The following FER1L6 variants were observed in gnomAD, a reference collection of about 807,000 sequenced individuals.
FER1L6 encodes the protein fer-1-like protein 6.
FER1L6 carries 177 observed loss-of-function variants against 219.2 expected under a neutral mutation model. That is an observed-to-expected ratio of 0.81 (90% CI 0.71 to 0.91). FER1L6 has a LOEUF of 0.91. FER1L6 is among the 40% of genes least tolerant of loss of function. The pLI, the probability that FER1L6 is intolerant of heterozygous loss-of-function variation, is 0.00. For missense variants in FER1L6, 2,153 were observed against 2,259.9 expected (o/e 0.95, Z 0.96); for synonymous variants, 768 against 824.3 (o/e 0.93, Z 1.17).
intron 18 of FER1L6, among the ~76,000 whole-genome samples, chr8:124,031,300 A>G (rs1818955703): frequency 6.6e-6 from 1 of 152,216 alleles, no homozygotes; most frequent in African/African-American, 2.4e-5. Flanking sequence ...TTTAGAAGGA[A>G]GATCCCAAAA....
intron 15 of FER1L6, among the ~76,000 whole-genome samples, chr8:124,015,570 G>GCT (rs1818149670): frequency 7.2e-5 from 2 of 27,816 alleles, no homozygotes; most frequent in Non-Finnish European, 1.5e-4. Context: ...CATTATAAAA[G>GCT]CTATATATAT....
In FER1L6 at chr8:123,976,200, T is replaced by G. The variant is rs1816065201; in HGVS notation, c.870+116T>G. Reference sequence around the variant, plus strand: ...TAGGAAGTGCCTTGAAAGCAAAAGCTTGTTACAAAAAGGCAATGGGGCCAG... The same window carrying G: ...TAGGAAGTGCCTTGAAAGCAAAAGCGTGTTACAAAAAGGCAATGGGGCCAG... On this transcript the variant is annotated intron_variant, in intron 9 of 40. Transcript: ENST00000522917. 4.3e-6 allele frequency: 4 copies of G among 935,810 alleles called. No individual in the cohort carries two copies. In the Admixed American group the frequency reaches 1.2e-4, roughly 27 times the overall value. 58.0% of individuals were successfully genotyped at this position (935,810 alleles called of 1,614,324 possible).
intron 20 of FER1L6, among the ~76,000 whole-genome samples, chr8:124,044,710 T>A (rs1819647300): frequency 6.6e-6 from 1 of 152,206 alleles, no homozygotes; most frequent in Non-Finnish European, 1.5e-5. Context: ...CCAGGACTAG[T>A]CTCCTGCATT....
chr8:123,921,651 G>A (rs895830238), intron 1 of FER1L6, among the ~76,000 whole-genome samples: 2 of 151,734 alleles, frequency 1.3e-5, no homozygotes, highest in African/African-American at 4.8e-5. Flanking sequence ...TGTGTGCCGG[G>A]ACAGCGGGGT....
At chr8:124,096,303 T>C (rs1037644529) in intron 35 of FER1L6, among the ~76,000 whole-genome samples, 5 of 152,216 alleles carry the variant, frequency 3.3e-5, no homozygotes, top group African/African-American at 9.6e-5. Context: ...CTCTATTCAA[T>C]TGATTTTCTT....
intron 1 of FER1L6, among the ~76,000 whole-genome samples, chr8:123,949,099 G>C (rs763547203): frequency 6.6e-6 from 1 of 152,188 alleles, no homozygotes. Flanking sequence ...TCTCAGGAAA[G>C]CTTCAAAAGG....
At chr8:124,062,811 A>C (rs901988375) in intron 25 of FER1L6, among the ~76,000 whole-genome samples, 1 of 152,154 alleles carries the variant, frequency 6.6e-6, no homozygotes, top group Non-Finnish European at 1.5e-5. Flanking sequence ...GTCCCAGTAA[A>C]TACGCACATG....
Position 124,035,311 on chromosome 8 carries a change from AAGC to A in FER1L6, c.2323_2325del (p.Ala775del). 1.2e-6 allele frequency: 2 copies of A among 1,614,112 alleles called. No individual in the cohort carries two copies. Among genetic ancestry groups the A allele is most frequent in the Non-Finnish European group, 1.7e-6 (2 of 1,179,970 alleles). The stretch of plus-strand genomic sequence containing the variant: ...AAACGACCGGCTGGTTGGTCTGTGC[AAGC>A]AAAAGTCGACGTGTACCTGTGGCTG... On this transcript the variant is annotated inframe_deletion, in exon 19 of 41. Transcript: ENST00000522917.
rs1292470340 is a variant in FER1L6 at position 123,950,400 on chromosome 8, C to T, written c.-7-5592C>T. Among the ~76,000 whole-genome samples the T allele has an allele frequency of 6.6e-5, 10 of 152,276 alleles. No homozygotes were observed. The East Asian group carries it at 1.9e-3, about 29-fold the overall frequency. On this transcript the variant is annotated intron_variant, in intron 1 of 40. Transcript: ENST00000522917. ...CAGGAAGCATGCAAGAATAATGCCT[C>T]CATTTTCCTGGGGCAGTCCTACAGC...
At chr8:124,039,818 C>T in intron 19 of FER1L6, 64 bp from the exon 20 acceptor site, 1 of 1,604,222 alleles carries the variant, frequency 6.2e-7, no homozygotes, top group Non-Finnish European at 8.5e-7. Flanking sequence ...CACAGACACA[C>T]ATGTGCACAC....
intron 26 of FER1L6, among the ~76,000 whole-genome samples, chr8:124,065,643 A>G (rs1186676844): frequency 1.3e-5 from 2 of 152,136 alleles, no homozygotes; most frequent in Non-Finnish European, 2.9e-5. Context: ...TTCAGTGTTC[A>G]TCTCAGATTA....
At chr8:124,096,159 T>C (rs1228694145) in intron 35 of FER1L6, among the ~76,000 whole-genome samples, 2 of 152,226 alleles carry the variant, frequency 1.3e-5, no homozygotes, top group East Asian at 3.8e-4. Flanking sequence ...AAGCTTATGA[T>C]TGTTTCCTGA....
At chr8:123,947,613 C>T (rs1034925431) in intron 1 of FER1L6, among the ~76,000 whole-genome samples, 2 of 152,136 alleles carry the variant, frequency 1.3e-5, no homozygotes, top group African/African-American at 4.8e-5. Context: ...TTCATTGAGC[C>T]CTGCTGTGTG....
At chr8:123,991,513 T>G (rs147999407) in intron 12 of FER1L6, among the ~76,000 whole-genome samples, 1,922 of 152,282 alleles carry the variant, frequency 0.013, 17 homozygotes, top group Non-Finnish European at 0.02. Flanking sequence ...ACTTGGAAGT[T>G]GTTGGTATAT....
In FER1L6 at chr8:123,902,702, C is replaced by T. The variant is rs372503733; in HGVS notation, c.-8+50517C>T. On this transcript the variant is annotated intron_variant, in intron 1 of 40. Transcript: ENST00000522917. ...CTTATGTGTTAGGTGAGCCTCCTGA[C>T]GGCAGCAAATGGTTGGTGAGTTCTT... 2.1e-3 allele frequency among the ~76,000 whole-genome samples: 314 copies of T among 152,262 alleles called. 1 individual carries two copies. Among genetic ancestry groups the T allele is most frequent in the African/African-American group, 6.0e-3 (250 of 41,550 alleles).
At position 124,044,104 on chromosome 8, in the gene FER1L6, A is replaced by G. The variant is rs1254209383; in HGVS notation, c.2590-1663A>G. ...CCAAAGAAGATACCGAAATATTTCT[A>G]TAGGAAAGATGCTGTGAAGATCACA... On this transcript the variant is annotated intron_variant, in intron 20 of 40. Coordinates refer to ENST00000522917, the MANE Select transcript of FER1L6 (RefSeq NM_001039112.2). 3.3e-5 allele frequency among the ~76,000 whole-genome samples: 5 copies of G among 152,242 alleles called. No homozygotes were observed. In the East Asian group the frequency reaches 9.6e-4, roughly 29 times the overall value.
At chr8:123,940,029 G>A (rs901926469) in intron 1 of FER1L6, among the ~76,000 whole-genome samples, 1 of 152,176 alleles carries the variant, frequency 6.6e-6, no homozygotes, top group African/African-American at 2.4e-5. Context: ...TGACCCAAAG[G>A]CAGTGTCTTA....
Position 123,887,979 on chromosome 8 carries a change from A to G in FER1L6, c.-8+35794A>G, listed in dbSNP as rs149909063. Among the ~76,000 whole-genome samples the G allele has an allele frequency of 6.0e-3, 911 of 152,282 alleles. 4 individuals are homozygous for G. The highest frequency in any genetic ancestry group is 0.037 in the Middle Eastern group (11 of 294). Reference sequence around the variant, plus strand: ...GCTCATAAAACTCTTAGTCTTGATGAAACAAGTACCCTGACTGTTTCAAGT... The same window carrying G: ...GCTCATAAAACTCTTAGTCTTGATGGAACAAGTACCCTGACTGTTTCAAGT... On this transcript the variant is annotated intron_variant, in intron 1 of 40. Transcript: ENST00000522917.
chr8:124,041,146 G>C (rs547044983), intron 20 of FER1L6, among the ~76,000 whole-genome samples: 1 of 152,158 alleles, frequency 6.6e-6, no homozygotes, highest in Non-Finnish European at 1.5e-5. Flanking sequence ...GCCCATCTCA[G>C]GGAGTTAAGC....
Sources: gnomAD v4.1 joint callset for allele counts (sites outside exome capture counted in the v4.1 genomes callset) on GRCh38, gnomAD v4.1.1 for gene constraint, MANE v1.5 for transcripts, NCBI Gene and HGNC (gene_info 2026-07-23, HGNC 2026-07-21) for gene names.